HM13: variants seen among roughly 807,000 people sequenced by gnomAD.
HM13 encodes the protein histocompatibility minor 13.
HM13 carries 18 observed loss-of-function variants against 50.0 expected under a neutral mutation model. The ratio of observed to expected loss-of-function variants is 0.36; its 90% CI spans 0.25 to 0.53. The LOEUF (loss-of-function observed/expected upper bound fraction) is 0.53, where lower values mean the gene tolerates loss of function less well. HM13 is among the 20% of genes least tolerant of loss of function. HM13 has a pLI of 0.90. For missense variants in HM13, 393 were observed against 552.4 expected, an observed-to-expected ratio of 0.71 and a Z score of 2.89; for synonymous variants, 197 against 232.6, an observed-to-expected ratio of 0.85 and a Z score of 1.39.
intron 3 of HM13, among the ~76,000 whole-genome samples, chr20:31,544,657 A>G (rs1412719398): frequency 4.6e-5 from 7 of 152,246 alleles, no homozygotes; most frequent in Admixed American, 2.6e-4. Flanking sequence ...CCTTCAGTCT[A>G]TCTGCTTCTG....
In HM13 at chr20:31,553,036, G is replaced by A. The variant is rs1250936704; in HGVS notation, c.725-1710G>A. Among the ~76,000 whole-genome samples, 5 of 152,144 alleles carry A rather than the reference G, an allele frequency of 3.3e-5. No individual in the cohort carries two copies. The East Asian group carries it at 5.8e-4, about 18-fold the overall frequency. ...TAAATGGCCAGGCGTGGTGGCTTAC[G>A]CCTGTAATCCCAGCACTTTGGGAAG... On this transcript the variant is annotated intron_variant, in intron 7 of 12. Transcript: ENST00000398174.
chr20:31,540,411 A>G (rs1196345358), intron 3 of HM13: 2 of 151,506 alleles, frequency 1.3e-5, no homozygotes, highest in African/African-American at 4.9e-5. Context: ...AGCCCATCCT[A>G]CCCCAGCATC....
At chr20:31,561,547 G>T (rs1984613105) in intron 9 of HM13, 87 bp from the exon 10 acceptor site, 2 of 924,738 alleles carry the variant, frequency 2.2e-6, no homozygotes, top group Non-Finnish European at 1.8e-6. Flanking sequence ...CAACCTCTAG[G>T]GTCTTCCCCA....
chr20:31,554,372 C>T (rs1353039071), intron 7 of HM13, among the ~76,000 whole-genome samples: 3 of 130,640 alleles, frequency 2.3e-5, no homozygotes, highest in South Asian at 2.1e-4. Flanking sequence ...GAGCAAGCCC[C>T]GTCTCAAAAA....
intron 1 of HM13, among the ~76,000 whole-genome samples, chr20:31,518,866 T>TATAG (rs531734993): frequency 6.7e-6 from 1 of 149,302 alleles, no homozygotes; most frequent in Admixed American, 6.7e-5. Flanking sequence ...CATATATATA[T>TATAG]AGAGAGAGAG....
intron 10 of HM13, among the ~76,000 whole-genome samples, chr20:31,562,128 G>A (rs560100838): frequency 2.6e-4 from 39 of 152,312 alleles, no homozygotes; most frequent in African/African-American, 9.4e-4. Context: ...AGAAGAACAG[G>A]ATTGGAGTGG....
At chr20:31,517,430 C>T (rs981145039) in intron 1 of HM13, among the ~76,000 whole-genome samples, 5 of 152,128 alleles carry the variant, frequency 3.3e-5, no homozygotes, top group African/African-American at 1.2e-4. Context: ...GGGCCCTCAG[C>T]GAACAGGACT....
chr20:31,524,067 T>C (rs1982339133), intron 1 of HM13, among the ~76,000 whole-genome samples: 1 of 152,008 alleles, frequency 6.6e-6, no homozygotes, highest in South Asian at 2.1e-4. Flanking sequence ...GCATCCCATA[T>C]CTTATTTGCT....
At chr20:31,561,544 T>G in intron 9 of HM13, 90 bp from the exon 10 acceptor site, 1 of 903,184 alleles carries the variant, frequency 1.1e-6, no homozygotes. Context: ...CCACAACCTC[T>G]AGGGTCTTCC....
In HM13 at chr20:31,514,592, A is replaced by T. The variant is rs754444274; in HGVS notation, c.41A>T (p.Glu14Val). 1 of 1,603,946 alleles carries T rather than the reference A, an allele frequency of 6.2e-7. No individual in the cohort carries two copies. The highest frequency in any genetic ancestry group is 1.3e-5 in the African/African-American group (1 of 74,944). Residue 14 changes from glutamate to valine, a missense_variant, in exon 1 of 13, where the codon GAG (glutamate) becomes GTG (valine). Coordinates refer to ENST00000398174, the MANE Select transcript of HM13 (RefSeq NM_178581.3). The surrounding 1 kb of genome is among the most constrained non-coding windows in gnomAD (Gnocchi z 4.3). ...AGCGATCCGCATAACGGCAGTGCCG[A>T]GGCAGGCGGCCCCACCAACAGCACT... ...ALSDPHNGSAEAGGPTNSTTR... is the reference protein window; with the variant it reads ...ALSDPHNGSAVAGGPTNSTTR...
intron 1 of HM13, among the ~76,000 whole-genome samples, chr20:31,522,654 T>G (rs1982244050): frequency 1.3e-5 from 2 of 152,034 alleles, no homozygotes; most frequent in South Asian, 4.1e-4. Context: ...CTTGCTTAAG[T>G]GGTACCTGCT....
chr20:31,525,428 G>A (rs906625093), intron 1 of HM13, among the ~76,000 whole-genome samples: 3 of 152,160 alleles, frequency 2.0e-5, no homozygotes, highest in African/African-American at 7.2e-5. Flanking sequence ...ATAACTGAAT[G>A]TGATCCCTTC....
intron 8 of HM13, among the ~76,000 whole-genome samples, chr20:31,559,326 A>G (rs6059979): frequency 0.28 from 42,436 of 152,128 alleles, 9,034 homozygotes; most frequent in African/African-American, 0.6. Context: ...TGCCTGGTAC[A>G]TAGGCACTTG....
intron 7 of HM13, 30 bp downstream of exon 7, chr20:31,550,151 C>T (rs945939804): frequency 6.3e-7 from 1 of 1,579,824 alleles, no homozygotes; most frequent in African/African-American, 1.3e-5. Context: ...CAGGGAACCC[C>T]TTCCCCCACC....
rs146552128 is a variant in HM13 at position 31,563,777 on chromosome 20, G to A, written c.948+2041G>A. Among the ~76,000 whole-genome samples the A allele has an allele frequency of 6.2e-3, 947 of 151,672 alleles. 13 individuals carry two copies. The highest frequency in any genetic ancestry group is 0.022 in the African/African-American group (897 of 41,404). ...TTCTCTGGCCAAGGGCTGGCTTTACGTTAAGAATGAAGTCTCCGGCCAGGC... is the reference window on the plus strand; with the variant it reads ...TTCTCTGGCCAAGGGCTGGCTTTACATTAAGAATGAAGTCTCCGGCCAGGC... On this transcript the variant is annotated intron_variant, in intron 10 of 12. Coordinates refer to ENST00000398174, the MANE Select transcript of HM13 (RefSeq NM_178581.3).
At chr20:31,562,616 TTTCCCC>T (rs1378375369) in intron 10 of HM13, 1 of 152,240 alleles carries the variant, frequency 6.6e-6, no homozygotes, top group African/African-American at 2.4e-5. Context: ...TTCTGTCCCC[TTTCCCC>T]TTCCCCAGGG....
At chr20:31,553,657 C>T (rs8121339) in intron 7 of HM13, among the ~76,000 whole-genome samples, 220 of 152,118 alleles carry the variant, frequency 1.4e-3, no homozygotes, top group African/African-American at 5.2e-3. Context: ...TTGCAAGGCC[C>T]TATGGATGAA....
At chr20:31,554,510 G>A (rs914077861) in intron 7 of HM13, 33 of 428,232 alleles carry the variant, frequency 7.7e-5, no homozygotes, top group Admixed American at 2.6e-4. Flanking sequence ...GTGAAACCCC[G>A]TCTCTACTAA....
chr20:31,565,220 T>C (rs1429810373), intron 10 of HM13, among the ~76,000 whole-genome samples: 1 of 150,434 alleles, frequency 6.6e-6, no homozygotes, highest in East Asian at 2.0e-4. Context: ...GCCTCAGGCC[T>C]ATAATCCCAG....
Sources: allele counts gnomAD v4.1 joint callset (sites outside exome capture counted in the v4.1 genomes callset), GRCh38; gene constraint gnomAD v4.1.1; non-coding constraint Gnocchi (gnomAD v3.1); transcripts MANE v1.5; gene names NCBI Gene and HGNC (gene_info 2026-07-23, HGNC 2026-07-21).